H4C15: variants seen among roughly 807,000 people sequenced by gnomAD.
H4C15 encodes the protein H4 clustered histone 15.
chr1:149,848,736 G>C, the H4C15 span: 3 of 152,180 alleles, frequency 2.0e-5, no homozygotes, highest in Non-Finnish European at 2.9e-5. Flanking sequence ...ACATGTGGCA[G>C]CACTATAACA....
At chr1:149,846,640 A>C in the H4C15 span, 2 of 152,168 alleles carry the variant, frequency 1.3e-5, no homozygotes, top group Non-Finnish European at 2.9e-5. Context: ...CATTTGCCTT[A>C]TCTTTGTCTT....
At chr1:149,846,893 G>A in the H4C15 span, 1 of 152,112 alleles carries the variant, frequency 6.6e-6, no homozygotes. Context: ...TGTGGCTGCT[G>A]CAACAAATTA....
At chr1:149,844,739 C>G in the H4C15 span, 2 of 151,868 alleles carry the variant, frequency 1.3e-5, no homozygotes, top group Non-Finnish European at 2.9e-5. Context: ...GTCTGCCCCA[C>G]CCAATTAAAA....
chr1:149,855,339 C>T (rs1404471105), downstream of H4C15, among the ~76,000 whole-genome samples: 3 of 135,350 alleles, frequency 2.2e-5, no homozygotes, highest in East Asian at 2.2e-4. Flanking sequence ...AAGTGAAAAA[C>T]GTGCTTTGTT....
chr1:149,848,091 T>G, the H4C15 span: 1 of 152,226 alleles, frequency 6.6e-6, no homozygotes, highest in Non-Finnish European at 1.5e-5. Flanking sequence ...TTGATTTAGT[T>G]TATTTAAAAT....
At chr1:149,850,435 C>T (rs587676697), downstream of H4C15, 544 of 1,179,452 alleles carry the variant, frequency 4.6e-4, 7 homozygotes, top group South Asian at 6.7e-3. Flanking sequence ...TTGGTGCCCT[C>T]GGACACGGCG....
chr1:149,848,218 T>C, the H4C15 span: 1 of 152,346 alleles, frequency 6.6e-6, no homozygotes, highest in East Asian at 1.9e-4. Context: ...AAATATGTAA[T>C]TGGAGCAACT....
chr1:149,844,754 A>AT, the H4C15 span: 1 of 151,110 alleles, frequency 6.6e-6, no homozygotes, highest in Non-Finnish European at 1.5e-5. Flanking sequence ...TTAAAAACAG[A>AT]TTTTTTAGTT....
At chr1:149,855,082 G>GA (rs1460932256), downstream of H4C15, among the ~76,000 whole-genome samples, 1 of 29,446 alleles carries the variant, frequency 3.4e-5, no homozygotes, top group Non-Finnish European at 7.6e-5. Context: ...AAAGAAAAAT[G>GA]AAAAAATTAG....
the H4C15 span, chr1:149,846,963 TACAAAA>T: frequency 6.6e-6 from 1 of 152,210 alleles, no homozygotes; most frequent in Admixed American, 6.5e-5. Flanking sequence ...AGGTCTGAAG[TACAAAA>T]TCAATTTTAC....
chr1:149,844,925 A>T, the H4C15 span: 1 of 152,222 alleles, frequency 6.6e-6, no homozygotes, highest in Non-Finnish European at 1.5e-5. Flanking sequence ...AATTTAAAGC[A>T]TGGAGGTAGG....
chr1:149,847,817 T>TA, the H4C15 span: 7 of 151,910 alleles, frequency 4.6e-5, no homozygotes, highest in Admixed American at 2.0e-4. Flanking sequence ...AGAAAGAAAG[T>TA]AAAAAAACAT....
downstream of H4C15, chr1:149,850,775 G>C (rs1559767848): frequency 1.4e-5 from 3 of 207,246 alleles, no homozygotes; most frequent in Non-Finnish European, 2.6e-5. Flanking sequence ...CTCAGGCATG[G>C]CCAGACCCAA....
chr1:149,850,156 C>G (rs1366274627), downstream of H4C15: 1 of 606,252 alleles, frequency 1.6e-6, no homozygotes, highest in African/African-American at 1.8e-5. Context: ...TCTATGTAAG[C>G]TTACTTATAG....
the H4C15 span, chr1:149,846,444 TAA>T: frequency 6.6e-6 from 1 of 152,354 alleles, no homozygotes; most frequent in Admixed American, 6.5e-5. Flanking sequence ...TTACATAAAT[TAA>T]TTTTACTGTA....
the H4C15 span, chr1:149,848,729 T>TATAACACTATAACA: frequency 6.6e-6 from 1 of 152,230 alleles, no homozygotes; most frequent in African/African-American, 2.4e-5. Context: ...GGGAAACACA[T>TATAACACTATAACA]GTGGCAGCAC....
chr1:149,846,378 A>G, the H4C15 span: 2 of 152,250 alleles, frequency 1.3e-5, no homozygotes, highest in African/African-American at 4.8e-5. Context: ...CTATTATCAA[A>G]CATATGTAAG....
At chr1:149,850,156 C>T (rs1366274627), downstream of H4C15, 3 of 606,252 alleles carry the variant, frequency 4.9e-6, no homozygotes, top group East Asian at 6.1e-5. Context: ...TCTATGTAAG[C>T]TTACTTATAG....
downstream of H4C15, among the ~76,000 whole-genome samples, chr1:149,849,744 G>A (rs782075923): frequency 1.3e-5 from 2 of 152,230 alleles, no homozygotes; most frequent in African/African-American, 2.4e-5. Flanking sequence ...GGTTATCGGT[G>A]TTAACTCCTG....
Sources: allele counts gnomAD v4.1 joint callset (sites outside exome capture counted in the v4.1 genomes callset), GRCh38; gene constraint gnomAD v4.1.1; transcripts MANE v1.5; gene names NCBI Gene and HGNC (gene_info 2026-07-23, HGNC 2026-07-21).